CDC27: variants seen among roughly 807,000 people sequenced by gnomAD.
The protein encoded by CDC27 is cell division cycle 27.
In CDC27, 27 loss-of-function variants were observed where a neutral mutation model predicts 109.7. That is an observed-to-expected ratio of 0.25 (90% confidence interval 0.18 to 0.34). The LOEUF is 0.34. Ranked by LOEUF, CDC27 falls within the 10% of genes least tolerant of loss-of-function variation. The probability of loss-of-function intolerance (pLI) is 1.00; values close to 1 mark genes in which losing one functional copy is unlikely to be tolerated. For synonymous variants in CDC27, 266 were observed against 333.9 expected, an observed-to-expected ratio of 0.80 and a Z score of 2.22; for missense variants, 579 against 960.2, an observed-to-expected ratio of 0.60 and a Z score of 5.25.
At position 47,157,279 on chromosome 17, in the gene CDC27, G is replaced by C. The variant is rs75990396; in HGVS notation, c.581C>G (p.Ser194Cys). ...AAGAACTGTCTCAGGCTGTCTGTGAGATAAACTATGATTAGGTACTTGTGT... is the reference window on the plus strand; with the variant it reads ...AAGAACTGTCTCAGGCTGTCTGTGACATAAACTATGATTAGGTACTTGTGT... ...CTTQVPNHSL[S>C]HRQPETVLTE... Residue 194 changes from serine (S) to cysteine (C), a missense_variant, in exon 6 of 19, where the codon TCT becomes TGT. By Grantham distance (112) the Ser-to-Cys change is moderately radical. Around this residue, in one of 9 missense-constraint regions of CDC27, gnomAD observed 57 missense variants for 59.0 expected, o/e 0.97. Coordinates refer to ENST00000066544, the MANE Select transcript of CDC27 (RefSeq NM_001256.6). 6.2e-7 allele frequency: 1 copy of C among 1,611,718 alleles called. No individual in the cohort carries two copies. The highest frequency in any genetic ancestry group is 1.7e-5 in the Admixed American group (1 of 59,810).
chr17:47,126,340 A>G (rs1248594889), intron 16 of CDC27, among the ~76,000 whole-genome samples: 1 of 152,178 alleles, frequency 6.6e-6, no homozygotes, highest in Non-Finnish European at 1.5e-5. Context: ...ATTAGGCCTC[A>G]TAATTCAGCG....
Position 47,132,574 on chromosome 17 carries a change from A to T in CDC27, c.1914-200T>A, listed in dbSNP as rs528286308. On this transcript the variant is annotated intron_variant, in intron 14 of 18. Coordinates refer to ENST00000066544, the MANE Select transcript of CDC27 (RefSeq NM_001256.6). ...TATTTACTTATTTTTAAATAAAAAA[A>T]TTTTTTTTTGAATTAGGGTCTCACT... Among the ~76,000 whole-genome samples, 60 of 150,536 alleles carry T rather than the reference A, an allele frequency of 4.0e-4. No individual in the cohort carries two copies. The South Asian group carries it at 7.1e-3, about 18-fold the overall frequency.
chr17:47,133,105 AC>A (rs2062436047), intron 14 of CDC27, among the ~76,000 whole-genome samples: 3 of 9,980 alleles, frequency 3.0e-4, no homozygotes, highest in Non-Finnish European at 3.3e-4. Context: ...ACACAAATAT[AC>A]ATATATATAT....
intron 16 of CDC27, among the ~76,000 whole-genome samples, chr17:47,125,835 C>A (rs1402140309): frequency 6.6e-6 from 1 of 152,184 alleles, no homozygotes; most frequent in African/African-American, 2.4e-5. Flanking sequence ...AGCTGCTGCG[C>A]CTGGCCTTTA....
intron 2 of CDC27, among the ~76,000 whole-genome samples, chr17:47,173,183 A>G (rs1413780834): frequency 1.3e-5 from 2 of 152,200 alleles, no homozygotes; most frequent in Non-Finnish European, 2.9e-5. Context: ...ATAAAAAAGT[A>G]ATTTGAAATT....
intron 1 of CDC27, chr17:47,188,853 A>G: frequency 7.6e-7 from 1 of 1,311,848 alleles, no homozygotes; most frequent in South Asian, 2.0e-5. Context: ...CCCCCAGTCA[A>G]GCCAGGCCCC....
intron 10 of CDC27, among the ~76,000 whole-genome samples, chr17:47,142,922 T>C (rs1392821382): frequency 1.3e-5 from 2 of 152,148 alleles, no homozygotes; most frequent in Non-Finnish European, 2.9e-5. Context: ...GTGATCTGCC[T>C]GCCTTGGCCT....
chr17:47,171,519 A>G (rs1022275514), intron 3 of CDC27, among the ~76,000 whole-genome samples: 3 of 152,234 alleles, frequency 2.0e-5, no homozygotes, highest in African/African-American at 4.8e-5. Flanking sequence ...TAATGTGCAA[A>G]AGAAGTACTC....
At chr17:47,137,052 G>C in intron 14 of CDC27, 100 bp downstream of exon 14, 1 of 599,104 alleles carries the variant, frequency 1.7e-6, no homozygotes. Flanking sequence ...CTAAGTATAA[G>C]TAACCAAATT....
chr17:47,140,806 G>C (rs2062771353), intron 12 of CDC27, among the ~76,000 whole-genome samples: 1 of 152,182 alleles, frequency 6.6e-6, no homozygotes, highest in African/African-American at 2.4e-5. Context: ...TCAACTCTCT[G>C]TTCTGTACTA....
intron 1 of CDC27, chr17:47,188,757 T>C (rs1005680991): frequency 1.9e-6 from 2 of 1,050,804 alleles, no homozygotes. Flanking sequence ...GTCACGAAGA[T>C]CACACAAGCT....
At chr17:47,133,028 T>TACACACAC (rs71138587) in intron 14 of CDC27, among the ~76,000 whole-genome samples, 206 of 29,754 alleles carry the variant, frequency 6.9e-3, no homozygotes, top group African/African-American at 0.014. Context: ...TATATATATA[T>TACACACAC]ACACACACAC....
At chr17:47,158,396 A>G in intron 4 of CDC27, 93 bp from the exon 5 acceptor site, 3 of 485,232 alleles carry the variant, frequency 6.2e-6, no homozygotes, top group Non-Finnish European at 1.0e-5. Context: ...AAGTTACAGA[A>G]GTTCAGAGAG....
intron 15 of CDC27, among the ~76,000 whole-genome samples, chr17:47,131,414 A>G (rs2062328277): frequency 6.6e-6 from 1 of 152,108 alleles, no homozygotes; most frequent in African/African-American, 2.4e-5. Context: ...TAGTCAATAG[A>G]GAATTAGAAT....
At chr17:47,122,729 A>G in intron 17 of CDC27, 129 bp from the exon 18 acceptor site, 4 of 590,882 alleles carry the variant, frequency 6.8e-6, no homozygotes, top group Non-Finnish European at 7.5e-6. Flanking sequence ...GCTAGAGTGC[A>G]ATGGCACGAT....
rs1555788695 is a variant in CDC27, at chr17:47,144,871, T to TCTCACACACACACACACACACACA, written c.1071-890_1071-889insTGTGTGTGTGTGTGTGTGTGTGAG. The stretch of plus-strand genomic sequence containing the variant: ...CTCTGTATATGCATGTGTGTGTATA[T>TCTCACACACACACACACACACACA]CACACACACACACACACACACATAA... On this transcript the variant is annotated intron_variant, in intron 9 of 18. Transcript: ENST00000066544. Among the ~76,000 whole-genome samples, 3 of 149,990 alleles carry TCTCACACACACACACACACACACA rather than the reference T, an allele frequency of 2.0e-5. No individual in the cohort carries two copies. In the East Asian group the frequency reaches 5.9e-4, roughly 29 times the overall value.
At chr17:47,150,761 G>A (rs1483327237) in intron 9 of CDC27, among the ~76,000 whole-genome samples, 4 of 152,214 alleles carry the variant, frequency 2.6e-5, no homozygotes, top group Non-Finnish European at 5.9e-5. Flanking sequence ...GGCCAGGCAC[G>A]GTGGCTCATG....
At chr17:47,135,511 TTA>T (rs1349311976) in intron 14 of CDC27, among the ~76,000 whole-genome samples, 10 of 152,224 alleles carry the variant, frequency 6.6e-5, no homozygotes, top group African/African-American at 2.2e-4. Context: ...TTGAGTGGCT[TTA>T]TATATCATTA....
chr17:47,160,246 T>TC (rs1400870043), intron 4 of CDC27, among the ~76,000 whole-genome samples: 1 of 150,448 alleles, frequency 6.6e-6, no homozygotes, highest in African/African-American at 2.4e-5. Context: ...TTTTTTTTTT[T>TC]CCTGAGAGTC....
Sources: allele counts gnomAD v4.1 joint callset (sites outside exome capture counted in the v4.1 genomes callset), GRCh38; gene constraint gnomAD v4.1.1; regional missense constraint gnomAD v4.1.1; transcripts MANE v1.5; gene names NCBI Gene and HGNC (gene_info 2026-07-23, HGNC 2026-07-21).